DCAF5: variants seen among roughly 807,000 people sequenced by gnomAD.
DCAF5 encodes the protein DDB1- and CUL4-associated factor 5.
DCAF5 carries 9 observed loss-of-function variants against 80.7 expected under a neutral mutation model. The observed-to-expected ratio is 0.11, with a 90% CI of 0.07 to 0.19. DCAF5 has a LOEUF of 0.19. Among genes scored for constraint, DCAF5 ranks in the 10% least tolerant of loss-of-function variants. DCAF5 has a pLI of 1.00. For synonymous variants in DCAF5, 433 were observed against 461.9 expected, an observed-to-expected ratio of 0.94 and a Z score of 0.80; for missense variants, 842 against 1,205.7, an observed-to-expected ratio of 0.70 and a Z score of 4.47.
chr14:69,055,566 C>T lies in DCAF5; in HGVS notation c.1120G>A (p.Gly374Ser), dbSNP rs1170047252. 1.2e-6 allele frequency: 2 copies of T among 1,610,652 alleles called. No individual in the cohort carries two copies. The highest frequency in any genetic ancestry group is 2.2e-5 in the East Asian group (1 of 44,754). ...KQPGCTGDLD[G>S]RIEDDSRCLY... is the part of the protein sequence containing the mutation. ...CAGCGGGAATCGTCCTCAATCCGAC[C>T]GTCGAGGTCTCCAGTACATCCTGGC... The change falls in exon 9 of 9, where the codon GGT becomes AGT. Residue 374 changes from glycine to serine, a missense_variant. By Grantham distance (56) the Gly-to-Ser change is moderately conservative. Transcript: ENST00000341516. This position sits in a 1 kb window ranked among gnomAD's most constrained non-coding sequence, Gnocchi z 5.6.
intron 5 of DCAF5, among the ~76,000 whole-genome samples, chr14:69,108,845 T>G (rs1332588968): frequency 6.6e-6 from 1 of 152,162 alleles, no homozygotes; most frequent in African/African-American, 2.4e-5. Context: ...CCCAGTTATC[T>G]TCAGCTTTTC....
rs184777416 is a variant in DCAF5, at chr14:69,140,191, C to T, written c.214+12574G>A. 3.2e-3 allele frequency among the ~76,000 whole-genome samples: 490 copies of T among 151,896 alleles called. 2 individuals carry two copies. The highest frequency in any genetic ancestry group is 0.011 in the African/African-American group (464 of 41,402). ...CTGAGGCACGAGAATCTCTTGAACCCGGGAGGCGGAGGTTGCAGTGAGTCA... is the reference window on the plus strand; with the variant it reads ...CTGAGGCACGAGAATCTCTTGAACCTGGGAGGCGGAGGTTGCAGTGAGTCA... On this transcript the variant is annotated intron_variant, in intron 1 of 8. Coordinates refer to ENST00000341516, the MANE Select transcript of DCAF5 (RefSeq NM_003861.3).
chr14:69,107,298 A>AC (rs1402488007), intron 5 of DCAF5, among the ~76,000 whole-genome samples: 10 of 152,114 alleles, frequency 6.6e-5, no homozygotes, highest in Non-Finnish European at 2.9e-5. Flanking sequence ...AACCCCAAAG[A>AC]CCCTGGGTCT....
At chr14:69,124,647 A>G (rs1417810656) in intron 1 of DCAF5, among the ~76,000 whole-genome samples, 2 of 152,170 alleles carry the variant, frequency 1.3e-5, no homozygotes, top group Admixed American at 6.5e-5. Flanking sequence ...TGTATTTCTT[A>G]CAAATTTACC....
At position 69,152,489 on chromosome 14, in the gene DCAF5, A is replaced by C; in HGVS notation, c.214+276T>G. On this transcript the variant is annotated intron_variant, in intron 1 of 8. Transcript: ENST00000341516. The surrounding 1 kb of genome is among the most constrained non-coding windows in gnomAD (Gnocchi z 4.1). ...AACCTCGCCCCCCTCCCCGACCTACACTTTCAGGGCAGGCATCAGGAGAGA... is the reference window on the plus strand; with the variant it reads ...AACCTCGCCCCCCTCCCCGACCTACCCTTTCAGGGCAGGCATCAGGAGAGA... 1 of 354,412 alleles carries C rather than the reference A, an allele frequency of 2.8e-6. No homozygotes were observed. Among genetic ancestry groups the C allele is most frequent in the Non-Finnish European group, 5.2e-6 (1 of 193,192 alleles). 22.0% of individuals were successfully genotyped at this position (354,412 alleles called of 1,614,324 possible). A position where few individuals can be genotyped will look rare whatever the true frequency, so the allele number is the denominator to read the frequency against.
chr14:69,145,524 A>AT (rs1016903054), intron 1 of DCAF5, among the ~76,000 whole-genome samples: 8 of 151,890 alleles, frequency 5.3e-5, no homozygotes, highest in East Asian at 1.9e-4. Flanking sequence ...AAAAAAAAAA[A>AT]TTTTAATTTC....
rs1314977990 is a variant in DCAF5 at position 69,052,012 on chromosome 14, T to C, written c.*1845A>G. 1 of 152,522 alleles carries C rather than the reference T, an allele frequency of 6.6e-6. No individual in the cohort carries two copies. The highest frequency in any genetic ancestry group is 1.5e-5 in the Non-Finnish European group (1 of 68,032). 9.4% of individuals were successfully genotyped at this position (152,522 alleles called of 1,614,324 possible). ...CAATCTGATTACAAATCCAAAGTAATTCTAATGTTGGTTACAGAATCACTT... is the reference window on the plus strand; with the variant it reads ...CAATCTGATTACAAATCCAAAGTAACTCTAATGTTGGTTACAGAATCACTT... On this transcript the variant is annotated 3_prime_UTR_variant, in exon 9 of 9. Transcript: ENST00000341516.
chr14:69,143,176 C>A (rs919613911), intron 1 of DCAF5, among the ~76,000 whole-genome samples: 1 of 152,088 alleles, frequency 6.6e-6, no homozygotes, highest in Non-Finnish European at 1.5e-5. Flanking sequence ...TCATCCTCCA[C>A]TTACATATAA....
At chr14:69,139,365 G>A (rs1397362724) in intron 1 of DCAF5, among the ~76,000 whole-genome samples, 2 of 151,748 alleles carry the variant, frequency 1.3e-5, no homozygotes, top group Non-Finnish European at 2.9e-5. Context: ...ACACATAGGT[G>A]TACATCACCT....
chr14:69,139,624 A>G (rs919566501), intron 1 of DCAF5, among the ~76,000 whole-genome samples: 1 of 151,914 alleles, frequency 6.6e-6, no homozygotes, highest in East Asian at 1.9e-4. Flanking sequence ...GACCAGCTTG[A>G]CCAACATGGT....
rs182955277 is a variant in DCAF5 at position 69,071,901 on chromosome 14, T to C, written c.946+3444A>G. 1.1e-3 allele frequency among the ~76,000 whole-genome samples: 169 copies of C among 152,316 alleles called. 1 individual carries two copies. Among genetic ancestry groups the C allele is most frequent in the African/African-American group, 3.7e-3 (152 of 41,566 alleles). On this transcript the variant is annotated intron_variant, in intron 7 of 8. Coordinates refer to ENST00000341516, the MANE Select transcript of DCAF5 (RefSeq NM_003861.3). ...GAGGTACCAAATAGTCCTGAAGCCATGTTGAAGAGTAGGGCTGAAAACAGG... is the reference window on the plus strand; with the variant it reads ...GAGGTACCAAATAGTCCTGAAGCCACGTTGAAGAGTAGGGCTGAAAACAGG...
intron 7 of DCAF5, 69 bp downstream of exon 7, chr14:69,075,276 C>A: frequency 7.8e-7 from 1 of 1,283,086 alleles, no homozygotes; most frequent in South Asian, 1.4e-5. Flanking sequence ...TCTGTCCCCT[C>A]AGGGCACAGC....
In DCAF5 at chr14:69,055,426, G is replaced by A. The variant is rs2037929383; in HGVS notation, c.1260C>T (p.Asp420=). 6.2e-7 allele frequency: 1 copy of A among 1,614,188 alleles called. No homozygotes were observed. The highest frequency in any genetic ancestry group is 1.7e-5 in the Admixed American group (1 of 60,028). Residue 420 remains aspartate (D), a synonymous_variant, in exon 9 of 9, where the codon GAC becomes GAT. Transcript: ENST00000341516. This position sits in a 1 kb window ranked among gnomAD's most constrained non-coding sequence, Gnocchi z 5.6. ...QEDPRMMAFF[D]SLVRREIEGW... ...CCTCGATCTCTCGGCGTACCAGTGAGTCAAAGAAGGCCATCATCCGGGGGT... is the reference window on the plus strand; with the variant it reads ...CCTCGATCTCTCGGCGTACCAGTGAATCAAAGAAGGCCATCATCCGGGGGT...
chr14:69,072,985 G>A (rs775070228), intron 7 of DCAF5, among the ~76,000 whole-genome samples: 8 of 152,154 alleles, frequency 5.3e-5, no homozygotes, highest in Non-Finnish European at 8.8e-5. Context: ...TGGGTTCTGT[G>A]GCCTCTAAAA....
intron 5 of DCAF5, among the ~76,000 whole-genome samples, chr14:69,112,777 A>C (rs2040417118): frequency 6.6e-6 from 1 of 152,138 alleles, no homozygotes; most frequent in Non-Finnish European, 1.5e-5. Flanking sequence ...ATGCTTAATA[A>C]ATGTTAGTTA....
chr14:69,084,030 G>T, intron 6 of DCAF5: 2 of 780,562 alleles, frequency 2.6e-6, no homozygotes, highest in Non-Finnish European at 4.8e-6. Context: ...GGAAGGCAGG[G>T]ATCTTCTTGC....
chr14:69,105,914 C>CAT (rs35075766), intron 5 of DCAF5, among the ~76,000 whole-genome samples: 827 of 49,938 alleles, frequency 0.017, 84 homozygotes, highest in South Asian at 0.027. Flanking sequence ...AATAAACTGT[C>CAT]ATATATATAT....
chr14:69,134,937 T>C (rs962642927), intron 1 of DCAF5, among the ~76,000 whole-genome samples: 2 of 152,216 alleles, frequency 1.3e-5, no homozygotes, highest in African/African-American at 4.8e-5. Flanking sequence ...AGAATTCCAC[T>C]TCTAAAGATT....
At chr14:69,084,494 G>A in intron 6 of DCAF5, 3 of 774,742 alleles carry the variant, frequency 3.9e-6, no homozygotes, top group Non-Finnish European at 6.8e-6. Flanking sequence ...AAAAGTTGAA[G>A]GCCCGGCAAG....
Sources: gnomAD v4.1 joint callset for allele counts (sites outside exome capture counted in the v4.1 genomes callset) on GRCh38, gnomAD v4.1.1 for gene constraint, Gnocchi (gnomAD v3.1) non-coding constraint, MANE v1.5 for transcripts, NCBI Gene and HGNC (gene_info 2026-07-23, HGNC 2026-07-21) for gene names.